Variants in SYTL4 observed in about 807,000 individuals in gnomAD.
The protein encoded by SYTL4 is synaptotagmin like 4.
In SYTL4, 16 loss-of-function variants were observed where a neutral mutation model predicts 52.7. The ratio of observed to expected loss-of-function variants is 0.30; its 90% CI spans 0.21 to 0.46. The LOEUF is 0.46. SYTL4 is among the 20% of genes least tolerant of loss of function. The pLI is 1.00. For synonymous variants in SYTL4, 160 were observed against 186.6 expected, an observed-to-expected ratio of 0.86 and a Z score of 1.16; for missense variants, 423 against 519.9, an observed-to-expected ratio of 0.81 and a Z score of 1.81.
chrX:100,724,905 C>T (rs1388060727), intron 2 of SYTL4, among the ~76,000 whole-genome samples: 3 of 103,936 alleles, frequency 2.9e-5, no homozygotes, highest in Non-Finnish European at 4.0e-5. Context: ...GAAGAAGGTA[C>T]TGTAGTTCTA....
At chrX:100,727,887 A>C (rs939863500) in intron 2 of SYTL4, among the ~76,000 whole-genome samples, 2 of 111,959 alleles carry the variant, frequency 1.8e-5, no homozygotes, top group Admixed American at 9.5e-5. Context: ...TGGGAATACA[A>C]GGGCAATCGG....
chrX:100,711,920 C>T lies in SYTL4; in HGVS notation c.-239-7034G>A, dbSNP rs759543878. Among the ~76,000 whole-genome samples the T allele has an allele frequency of 4.6e-5, 5 of 109,845 alleles. No homozygotes were observed. The South Asian group carries it at 1.6e-3, about 35-fold the overall frequency. On this transcript the variant is annotated intron_variant, in intron 2 of 19. Coordinates refer to ENST00000372989, the MANE Select transcript of SYTL4 (RefSeq NM_001370165.1). ...GACACATTATATATATACAGATGAA[C>T]AAAGATAATGATAAAAGCAAATTTA...
chrX:100,730,386 T>C (rs1216917687), intron 2 of SYTL4, among the ~76,000 whole-genome samples: 1 of 111,302 alleles, frequency 9.0e-6, no homozygotes, highest in Non-Finnish European at 1.9e-5. Flanking sequence ...CCATGAGCTA[T>C]TCAGTGTTCC....
intron 2 of SYTL4, among the ~76,000 whole-genome samples, chrX:100,723,453 G>A (rs927605477): frequency 8.9e-6 from 1 of 111,965 alleles, no homozygotes; most frequent in Non-Finnish European, 1.9e-5. Flanking sequence ...GTGCAGTAGC[G>A]TGATCTCGGC....
intron 19 of SYTL4, among the ~76,000 whole-genome samples, chrX:100,677,702 G>A (rs1311570814): frequency 1.8e-5 from 2 of 111,583 alleles, no homozygotes; most frequent in African/African-American, 3.3e-5. Context: ...CGTTTCAAGC[G>A]AAAAGGAGTG....
In SYTL4 at chrX:100,700,971, G is replaced by A; in HGVS notation, c.465C>T (p.Ser155=). ...AVSKRETVGQ[S]LLHQTQMGDI... ...CACCCATCTGTGTCTGATGAAGGAG[G>A]GACTGTCCCACTGTCTCTCTTTTAC... The change falls in exon 8 of 20, where the codon TCC becomes TCT. Residue 155 remains serine (S), a synonymous_variant. Coordinates refer to ENST00000372989, the MANE Select transcript of SYTL4 (RefSeq NM_001370165.1). 8.3e-7 allele frequency: 1 copy of A among 1,208,458 alleles called. No individual in the cohort carries two copies. Among genetic ancestry groups the A allele is most frequent in the Non-Finnish European group, 1.1e-6 (1 of 892,905 alleles).
intron 8 of SYTL4, among the ~76,000 whole-genome samples, chrX:100,699,962 G>A (rs1451849237): frequency 9.0e-6 from 1 of 111,274 alleles, no homozygotes; most frequent in East Asian, 2.8e-4. Flanking sequence ...TTAATGTTAA[G>A]TGAAAGAGGC....
chrX:100,694,481 CT>C (rs916610216), intron 8 of SYTL4, among the ~76,000 whole-genome samples: 2 of 111,690 alleles, frequency 1.8e-5, no homozygotes, highest in Admixed American at 1.9e-4. Flanking sequence ...TTTTTCATAT[CT>C]TTGCTCAAAC....
rs1177823085 is a variant in SYTL4, at chrX:100,676,173, A to T, written c.1871T>A (p.Ile624Asn). ...CCAGTCCACCACTTCCCCATTACTGATCCCTGAGGAGAAACACCAGAAGAG... is the reference window on the plus strand; with the variant it reads ...CCAGTCCACCACTTCCCCATTACTGTTCCCTGAGGAGAAACACCAGAAGAG... Reference protein sequence around the residue: ...GGVRLGVGTGISNGEVVDWMD... With the variant: ...GGVRLGVGTGNSNGEVVDWMD... Residue 624 changes from isoleucine to asparagine, a missense_variant, in exon 20 of 20, where the codon ATC (isoleucine) becomes AAC (asparagine). Physicochemically the swap from Ile to Asn is moderately radical, Grantham distance 149 (BLOSUM62 -3). Coordinates refer to ENST00000372989, the MANE Select transcript of SYTL4 (RefSeq NM_001370165.1). 3 of 1,210,845 alleles carry T rather than the reference A, an allele frequency of 2.5e-6. No individual in the cohort carries two copies. Among genetic ancestry groups the T allele is most frequent in the Non-Finnish European group, 3.4e-6 (3 of 895,258 alleles).
At chrX:100,679,648 T>C (rs939165959) in intron 17 of SYTL4, among the ~76,000 whole-genome samples, 1 of 112,261 alleles carries the variant, frequency 8.9e-6, no homozygotes, top group Non-Finnish European at 1.9e-5. Context: ...ATGTGCCAGA[T>C]ACCATGTTAA....
chrX:100,686,632 G>A, intron 15 of SYTL4, 47 bp downstream of exon 15: 1 of 1,006,526 alleles, frequency 9.9e-7, no homozygotes. Context: ...ACAGCTTAGG[G>A]CACAAGACAG....
rs975967728 is a variant in SYTL4 at position 100,716,192 on chromosome X, G to C, written c.-239-11306C>G. 4.6e-5 allele frequency among the ~76,000 whole-genome samples: 5 copies of C among 108,351 alleles called. No homozygotes were observed. In the South Asian group the frequency reaches 2.0e-3, roughly 44 times the overall value. 94.1% of individuals were successfully genotyped at this position (108,351 alleles called of 115,157 possible). A position where few individuals can be genotyped will look rare whatever the true frequency, so the allele number is the denominator to read the frequency against. ...TGGCCGGGAGCGGTGGCTCACGTCT[G>C]TAATCTCAGCACTTTGGGAGGCCGA... On this transcript the variant is annotated intron_variant, in intron 2 of 19. Coordinates refer to ENST00000372989, the MANE Select transcript of SYTL4 (RefSeq NM_001370165.1).
At chrX:100,689,404 G>A (rs907952796) in intron 12 of SYTL4, among the ~76,000 whole-genome samples, 2 of 106,001 alleles carry the variant, frequency 1.9e-5, no homozygotes, top group Non-Finnish European at 3.9e-5. Flanking sequence ...TTGGGAGGCC[G>A]AGGCAGGTGG....
At chrX:100,694,281 A>C (rs758843822) in intron 8 of SYTL4, among the ~76,000 whole-genome samples, 14 of 111,836 alleles carry the variant, frequency 1.3e-4, no homozygotes, top group African/African-American at 4.5e-4. Flanking sequence ...TACAAGTGCC[A>C]CCAAAGTCTT....
At chrX:100,709,949 G>T (rs184564191) in intron 2 of SYTL4, among the ~76,000 whole-genome samples, 8 of 111,036 alleles carry the variant, frequency 7.2e-5, no homozygotes, top group African/African-American at 2.6e-4. Context: ...GTAGTTTTTG[G>T]GTACATGGAT....
intron 4 of SYTL4, among the ~76,000 whole-genome samples, chrX:100,702,756 C>T (rs1261464276): frequency 2.7e-5 from 3 of 112,465 alleles, no homozygotes; most frequent in Non-Finnish European, 5.6e-5. Context: ...GAGTAAGGCA[C>T]AGTTCCTACC....
intron 2 of SYTL4, among the ~76,000 whole-genome samples, chrX:100,725,992 GT>G (rs1000514853): frequency 3.6e-5 from 4 of 110,513 alleles, no homozygotes; most frequent in African/African-American, 1.3e-4. Flanking sequence ...GTCAAGTTAG[GT>G]TTAGATAGTC....
intron 8 of SYTL4, among the ~76,000 whole-genome samples, chrX:100,699,360 T>G (rs1336015768): frequency 1.3e-5 from 1 of 79,957 alleles, no homozygotes; most frequent in Non-Finnish European, 2.3e-5. Flanking sequence ...AGAGCGAAAC[T>G]CCGTCTCAAA....
intron 15 of SYTL4, 89 bp downstream of exon 15, chrX:100,686,590 G>T (rs1386815747): frequency 1.5e-6 from 1 of 646,167 alleles, no homozygotes; most frequent in Non-Finnish European, 2.4e-6. Flanking sequence ...ACTGAAGCCC[G>T]TGTCACCTGG....
Sources: gnomAD v4.1 joint callset for allele counts (sites outside exome capture counted in the v4.1 genomes callset) on GRCh38, gnomAD v4.1.1 for gene constraint, MANE v1.5 for transcripts, NCBI Gene and HGNC (gene_info 2026-07-23, HGNC 2026-07-21) for gene names.